Variants in ERC1 observed in about 807,000 individuals in gnomAD.
The protein encoded by ERC1 is RAB6 interacting protein 2.
A neutral mutation model predicts 132.0 loss-of-function variants in ERC1; 56 were observed. The ratio of observed to expected loss-of-function variants is 0.42; its 90% CI spans 0.34 to 0.53. The LOEUF (loss-of-function observed/expected upper bound fraction) is 0.53. Ranked by LOEUF, ERC1 falls within the 20% of genes least tolerant of loss-of-function variation. The probability of loss-of-function intolerance (pLI) is 0.03; values close to 1 mark genes in which losing one functional copy is unlikely to be tolerated. For missense variants in ERC1, 1,202 were observed against 1,349.9 expected, an observed-to-expected ratio of 0.89 and a Z score of 1.72; for synonymous variants, 478 against 476.1, an observed-to-expected ratio of 1.00 and a Z score of -0.05.
chr12:1,233,658 G>A (rs928582841), intron 12 of ERC1, among the ~76,000 whole-genome samples: 1 of 151,914 alleles, frequency 6.6e-6, no homozygotes, highest in Non-Finnish European at 1.5e-5. Flanking sequence ...GAGATATAGA[G>A]AAACAAGTTG....
intron 18 of ERC1, among the ~76,000 whole-genome samples, chr12:1,470,180 C>A (rs1310195544): frequency 6.6e-6 from 1 of 151,478 alleles, no homozygotes; most frequent in African/African-American, 2.4e-5. Flanking sequence ...CCAGTTTCTC[C>A]CTGTCACAGT....
chr12:1,072,290 G>A (rs191437474), intron 2 of ERC1, among the ~76,000 whole-genome samples: 127 of 152,236 alleles, frequency 8.3e-4, no homozygotes, highest in Middle Eastern at 3.4e-3. Context: ...GATAGAATTG[G>A]CAGATAACCA....
chr12:1,440,505 C>CGTG, intron 17 of ERC1, among the ~76,000 whole-genome samples: 1 of 126,182 alleles, frequency 7.9e-6, no homozygotes, highest in African/African-American at 3.1e-5. Flanking sequence ...CGCGCCCGGC[C>CGTG]TTTTTTTTTT....
intron 3 of ERC1, among the ~76,000 whole-genome samples, chr12:1,098,441 A>G (rs1211082153): frequency 6.6e-6 from 1 of 152,204 alleles, no homozygotes; most frequent in Non-Finnish European, 1.5e-5. Flanking sequence ...ACTAGACTGG[A>G]AATGGGGTGA....
intron 12 of ERC1, among the ~76,000 whole-genome samples, chr12:1,233,470 C>CAAAAAAAAAA: frequency 1.4e-5 from 1 of 71,502 alleles, no homozygotes; most frequent in Non-Finnish European, 2.7e-5. Context: ...GACCCTGTCT[C>CAAAAAAAAAA]AAAAAAAAAA....
intron 12 of ERC1, among the ~76,000 whole-genome samples, chr12:1,235,502 T>C (rs530594120): frequency 6.6e-6 from 1 of 152,324 alleles, no homozygotes; most frequent in South Asian, 2.1e-4. Flanking sequence ...AAGAAAAAGA[T>C]ATGTTAATTT....
intron 15 of ERC1, among the ~76,000 whole-genome samples, chr12:1,340,174 C>T (rs2083695884): frequency 6.6e-6 from 1 of 152,122 alleles, no homozygotes; most frequent in Admixed American, 6.5e-5. Flanking sequence ...CCAAGGCTAT[C>T]CTGCAAGCAG....
intron 16 of ERC1, among the ~76,000 whole-genome samples, chr12:1,374,389 C>T (rs760962501): frequency 6.6e-6 from 1 of 152,150 alleles, no homozygotes; most frequent in Admixed American, 6.5e-5. Context: ...ACCGCCCCCC[C>T]ACCCCCTACA....
intron 2 of ERC1, among the ~76,000 whole-genome samples, chr12:1,032,021 T>C (rs1056091842): frequency 2.6e-5 from 4 of 152,106 alleles, no homozygotes; most frequent in African/African-American, 9.7e-5. Context: ...TTGGGATCTT[T>C]AGAATTTAGT....
At chr12:1,298,998 A>G (rs1181454189) in intron 15 of ERC1, among the ~76,000 whole-genome samples, 1 of 152,190 alleles carries the variant, frequency 6.6e-6, no homozygotes. Flanking sequence ...TAATAAATAT[A>G]TATCTAATAG....
At chr12:1,112,105 T>C in intron 5 of ERC1, 110 bp from the exon 6 acceptor site, 1 of 697,392 alleles carries the variant, frequency 1.4e-6, no homozygotes, top group Non-Finnish European at 2.5e-6. Flanking sequence ...ACAGATTTGA[T>C]TGTATTATAT....
At chr12:1,379,561 C>G (rs973786443) in intron 16 of ERC1, among the ~76,000 whole-genome samples, 8 of 152,134 alleles carry the variant, frequency 5.3e-5, no homozygotes, top group Non-Finnish European at 1.2e-4. Context: ...ATGCCAAAAT[C>G]TATTAGTTAT....
chr12:1,408,231 A>G lies in ERC1; in HGVS notation c.3008A>G (p.Lys1003Arg), dbSNP rs2091631750. ...KSSHSNQTNH[K>R]PSPDQIIQPL... ...TCCCATTCCAATCAAACAAATCACAAGCCCTCCCCAGACCAGGTAAGATGG... is the reference window on the plus strand; with the variant it reads ...TCCCATTCCAATCAAACAAATCACAGGCCCTCCCCAGACCAGGTAAGATGG... Residue 1003 changes from lysine to arginine, a missense_variant, in exon 17 of 19, where the codon AAG becomes AGG. Lys to Arg is a conservative substitution (Grantham distance 26). Transcript: ENST00000360905. 1 of 1,613,468 alleles carries G rather than the reference A, an allele frequency of 6.2e-7. No homozygotes were observed.
chr12:1,136,845 C>T (rs1008986111), intron 7 of ERC1, among the ~76,000 whole-genome samples: 5 of 152,008 alleles, frequency 3.3e-5, no homozygotes, highest in Non-Finnish European at 7.4e-5. Flanking sequence ...CCTTTTGTAT[C>T]TAGTGATGTT....
At chr12:1,242,868 A>C (rs369949107) in intron 13 of ERC1, among the ~76,000 whole-genome samples, 3 of 152,356 alleles carry the variant, frequency 2.0e-5, no homozygotes, top group East Asian at 3.9e-4. Flanking sequence ...AGCTATTTAC[A>C]TAGTGTTTAC....
intron 15 of ERC1, among the ~76,000 whole-genome samples, chr12:1,323,961 A>T (rs1048940684): frequency 1.3e-5 from 2 of 152,166 alleles, no homozygotes; most frequent in South Asian, 4.1e-4. Flanking sequence ...TCCTATTTGA[A>T]CCACCCCCTG....
At chr12:1,170,195 G>A (rs943419799) in intron 8 of ERC1, among the ~76,000 whole-genome samples, 1 of 152,062 alleles carries the variant, frequency 6.6e-6, no homozygotes, top group Non-Finnish European at 1.5e-5. Flanking sequence ...ACAAGTTTTT[G>A]TATCCTTAAT....
At chr12:1,085,079 A>G (rs1942813909) in intron 3 of ERC1, among the ~76,000 whole-genome samples, 1 of 13,156 alleles carries the variant, frequency 7.6e-5, no homozygotes, top group Admixed American at 6.2e-4. Context: ...CATTATTATT[A>G]TTATTGTTGT....
chr12:1,394,033 AC>A (rs1566757632), intron 16 of ERC1, among the ~76,000 whole-genome samples: 28,557 of 123,790 alleles, frequency 0.23, 5,628 homozygotes, highest in Non-Finnish European at 0.26. Flanking sequence ...AAAAAAAAAA[AC>A]AAAAAAAAAA....
Sources: allele counts gnomAD v4.1 joint callset (sites outside exome capture counted in the v4.1 genomes callset), GRCh38; gene constraint gnomAD v4.1.1; transcripts MANE v1.5; gene names NCBI Gene and HGNC (gene_info 2026-07-23, HGNC 2026-07-21).